Variants in MLIP observed in about 807,000 individuals in gnomAD.
MLIP encodes muscular LMNA-interacting protein.
MLIP carries 79 observed loss-of-function variants against 84.8 expected under a neutral mutation model. The ratio of observed to expected loss-of-function variants is 0.93; its 90% CI spans 0.78 to 1.12. The LOEUF is 1.12. Ranked by LOEUF, MLIP falls within the 50% of genes most tolerant of loss-of-function variation. The pLI is 0.00. For synonymous variants in MLIP, 504 were observed against 463.0 expected (o/e 1.09, Z -1.14); for missense variants, 1,257 against 1,160.6 (o/e 1.08, Z -1.21).
intron 1 of MLIP, among the ~76,000 whole-genome samples, chr6:54,073,474 CT>C (rs1207256177): frequency 6.6e-6 from 1 of 152,134 alleles, no homozygotes; most frequent in Non-Finnish European, 1.5e-5. Flanking sequence ...CTGTAATTTA[CT>C]TTTTTTCGGT....
At chr6:54,069,599 T>C (rs1319107277) in intron 1 of MLIP, among the ~76,000 whole-genome samples, 2 of 99,480 alleles carry the variant, frequency 2.0e-5, no homozygotes, top group African/African-American at 5.1e-5. Context: ...TTATAATACC[T>C]AATACAATGT....
intron 1 of MLIP, among the ~76,000 whole-genome samples, chr6:54,117,814 C>T (rs1422694508): frequency 6.6e-6 from 1 of 151,696 alleles, no homozygotes; most frequent in Non-Finnish European, 1.5e-5. Flanking sequence ...GGCGTGTTGG[C>T]GGGCGCCTGT....
intron 1 of MLIP, among the ~76,000 whole-genome samples, chr6:54,019,827 C>A (rs985564344): frequency 1.3e-5 from 2 of 152,060 alleles, no homozygotes; most frequent in African/African-American, 4.8e-5. Flanking sequence ...CATGGGAATA[C>A]ATTGTTCTAG....
chr6:54,082,431 A>G (rs1767219665), intron 1 of MLIP, among the ~76,000 whole-genome samples: 1 of 152,152 alleles, frequency 6.6e-6, no homozygotes, highest in Non-Finnish European at 1.5e-5. Context: ...GCATGGGTGA[A>G]ACCACTCCCA....
chr6:54,094,036 G>A (rs1768042290), intron 1 of MLIP, among the ~76,000 whole-genome samples: 1 of 152,154 alleles, frequency 6.6e-6, no homozygotes, highest in Non-Finnish European at 1.5e-5. Flanking sequence ...TGGTGATTAA[G>A]AGGATAAGAA....
chr6:54,184,138 A>G (rs895891984), intron 9 of MLIP, among the ~76,000 whole-genome samples: 3 of 152,030 alleles, frequency 2.0e-5, no homozygotes, highest in South Asian at 4.2e-4. Flanking sequence ...CTTGAGGGGG[A>G]GAAATAACAT....
intron 3 of MLIP, among the ~76,000 whole-genome samples, chr6:54,131,133 C>T (rs952657052): frequency 6.6e-6 from 1 of 152,080 alleles, no homozygotes; most frequent in Non-Finnish European, 1.5e-5. Flanking sequence ...AATAGCTTAC[C>T]ACAAATGTAG....
chr6:54,114,368 G>A (rs913632102), intron 1 of MLIP, among the ~76,000 whole-genome samples: 3 of 152,112 alleles, frequency 2.0e-5, no homozygotes, highest in Non-Finnish European at 2.9e-5. Context: ...AAATTTGATC[G>A]TTATTCTCAA....
intron 11 of MLIP, chr6:54,217,479 G>A: frequency 1.0e-6 from 1 of 985,372 alleles, no homozygotes; most frequent in Non-Finnish European, 1.2e-6. Context: ...TGATGTGTCT[G>A]TCAGTTAAGC....
At chr6:54,171,825 T>C (rs1775800099) in intron 9 of MLIP, among the ~76,000 whole-genome samples, 1 of 151,714 alleles carries the variant, frequency 6.6e-6, no homozygotes, top group East Asian at 1.9e-4. Context: ...AATTTATCAC[T>C]ATATATTTCT....
chr6:54,069,027 C>T (rs1766345793), intron 1 of MLIP, among the ~76,000 whole-genome samples: 1 of 101,370 alleles, frequency 9.9e-6, no homozygotes, highest in Admixed American at 9.1e-5. Flanking sequence ...TACAGATGTG[C>T]TCTACATTCA....
At chr6:54,047,000 A>G (rs979967180) in intron 1 of MLIP, 1 of 152,228 alleles carries the variant, frequency 6.6e-6, no homozygotes, top group African/African-American at 2.4e-5. Context: ...GTAATGAAAC[A>G]GAGTTCACTG....
intron 5 of MLIP, among the ~76,000 whole-genome samples, chr6:54,151,006 C>T (rs375957322): frequency 1.3e-5 from 2 of 152,196 alleles, no homozygotes; most frequent in South Asian, 2.1e-4. Flanking sequence ...ATTGTTCATA[C>T]AAAAAATATA....
chr6:54,204,440 T>C (rs1363521753), intron 11 of MLIP, among the ~76,000 whole-genome samples: 1 of 152,208 alleles, frequency 6.6e-6, no homozygotes, highest in East Asian at 1.9e-4. Context: ...ATAAAAATAA[T>C]TTAGCAGTTA....
intron 9 of MLIP, among the ~76,000 whole-genome samples, chr6:54,182,177 G>A (rs1358159402): frequency 6.6e-6 from 1 of 152,142 alleles, no homozygotes; most frequent in Non-Finnish European, 1.5e-5. Context: ...TTCCAAGAGA[G>A]TCAACTTCCA....
intron 11 of MLIP, among the ~76,000 whole-genome samples, chr6:54,226,118 A>G (rs912331578): frequency 3.3e-5 from 5 of 152,206 alleles, no homozygotes; most frequent in South Asian, 2.1e-4. Context: ...AAAAAGGAAG[A>G]AAAGGTAAAA....
At chr6:54,224,559 T>G (rs1484786254) in intron 11 of MLIP, among the ~76,000 whole-genome samples, 1 of 152,236 alleles carries the variant, frequency 6.6e-6, no homozygotes, top group Non-Finnish European at 1.5e-5. Flanking sequence ...AAATCCATCC[T>G]TAGGGGAATT....
At chr6:54,236,874 TA>T (rs1781400327) in intron 12 of MLIP, among the ~76,000 whole-genome samples, 1 of 152,138 alleles carries the variant, frequency 6.6e-6, no homozygotes, top group South Asian at 2.1e-4. Flanking sequence ...TATGTGTCTT[TA>T]AACAGTAAAC....
intron 9 of MLIP, among the ~76,000 whole-genome samples, chr6:54,183,814 G>A (rs965089924): frequency 3.4e-5 from 5 of 145,454 alleles, no homozygotes; most frequent in Non-Finnish European, 7.4e-5. Context: ...GCGCGATCGT[G>A]ACTCACTGCA....
Sources: allele counts gnomAD v4.1 joint callset (sites outside exome capture counted in the v4.1 genomes callset), GRCh38; gene constraint gnomAD v4.1.1; transcripts MANE v1.5; gene names NCBI Gene and HGNC (gene_info 2026-07-23, HGNC 2026-07-21).